PSTPIP1: variants seen among roughly 807,000 people sequenced by gnomAD.
PSTPIP1 encodes the protein proline-serine-threonine phosphatase-interacting protein 1.
In PSTPIP1, 66 loss-of-function variants were observed where a neutral mutation model predicts 69.6. The observed-to-expected ratio is 0.95, with a 90% CI of 0.78 to 1.16. The LOEUF (loss-of-function observed/expected upper bound fraction) is 1.16. Ranked by LOEUF, PSTPIP1 falls within the 50% of genes most tolerant of loss-of-function variation. PSTPIP1 has a pLI of 0.00. For synonymous variants in PSTPIP1, 266 were observed against 222.7 expected (o/e 1.19, Z -1.73); for missense variants, 603 against 557.4 (o/e 1.08, Z -0.82).
chr15:77,014,919 G>A (rs17465692), intron 1 of PSTPIP1, among the ~76,000 whole-genome samples: 54,592 of 152,202 alleles, frequency 0.36, 10,974 homozygotes, highest in Middle Eastern at 0.54. Context: ...CATGGACGGC[G>A]AGGGCTGGGT....
chr15:77,005,222 A>G (rs1020444465), intron 1 of PSTPIP1, among the ~76,000 whole-genome samples: 24 of 152,288 alleles, frequency 1.6e-4, no homozygotes, highest in Non-Finnish European at 2.5e-4. Flanking sequence ...TGTCTCTACT[A>G]AAAATACAAA....
At chr15:77,008,197 G>A (rs551251523) in intron 1 of PSTPIP1, 8 of 374,790 alleles carry the variant, frequency 2.1e-5, no homozygotes, top group Non-Finnish European at 3.3e-5. Flanking sequence ...GGGTGTGGGT[G>A]GGGTGTTTGG....
rs1195149821 is a variant in PSTPIP1 at position 77,027,816 on chromosome 15, C to T, written c.355-36C>T. The stretch of plus-strand genomic sequence containing the variant: ...TTGGCCTAGGGGAGCCTCCCGAGGC[C>T]GCGGCCCTCGGCTCAGAACCTCGTG... On this transcript the variant is annotated intron_variant, in intron 5 of 14. Transcript: ENST00000558012. The surrounding 1 kb of genome is among the most constrained non-coding windows in gnomAD (Gnocchi z 4.3). 6 of 1,550,714 alleles carry T rather than the reference C, an allele frequency of 3.9e-6. No individual in the cohort carries two copies. The East Asian group carries it at 1.2e-4, about 32-fold the overall frequency.
At chr15:77,014,382 G>A (rs550702537) in intron 1 of PSTPIP1, among the ~76,000 whole-genome samples, 2 of 152,280 alleles carry the variant, frequency 1.3e-5, no homozygotes, top group East Asian at 3.9e-4. Flanking sequence ...AGGCTGAGAA[G>A]GGCCAGGGTC....
rs775796638 is a variant in PSTPIP1 at position 76,995,267 on chromosome 15, C to T, written c.-307C>T. 7.6e-7 allele frequency: 1 copy of T among 1,307,322 alleles called. No individual in the cohort carries two copies. Among genetic ancestry groups the T allele is most frequent in the Non-Finnish European group, 9.8e-7 (1 of 1,019,022 alleles). The allele number at this position is 1,307,322 out of a possible 1,614,324, so 81.0% of individuals were successfully genotyped here. ...CCCTGCCCTGGGTCCCAGACTGTGT[C>T]CTCCATCACCGCAGGGTCGGTGAGG... On this transcript the variant is annotated 5_prime_UTR_variant, in exon 1 of 15. Transcript: ENST00000558012.
intron 1 of PSTPIP1, chr15:77,007,889 C>T (rs550315228): frequency 3.9e-5 from 18 of 455,960 alleles, no homozygotes; most frequent in East Asian, 7.0e-5. Flanking sequence ...CCACCGCGCC[C>T]GACTGGCAAT....
chr15:77,034,760 G>C (rs2076513788), intron 12 of PSTPIP1, among the ~76,000 whole-genome samples: 1 of 152,264 alleles, frequency 6.6e-6, no homozygotes, highest in African/African-American at 2.4e-5. Flanking sequence ...TGGAGGCAGT[G>C]TCAGCCTCTA....
Position 77,037,222 on chromosome 15 carries a change from G to C in PSTPIP1, c.*46G>C, listed in dbSNP as rs760731803. Reference sequence around the variant, plus strand: ...CGGACCTGCCCTGCCAGTGGAGCCAGCAGTGCCCCCAGCACTGTCCCCACC... The same window carrying C: ...CGGACCTGCCCTGCCAGTGGAGCCACCAGTGCCCCCAGCACTGTCCCCACC... On this transcript the variant is annotated 3_prime_UTR_variant, in exon 15 of 15. Coordinates refer to ENST00000558012, the MANE Select transcript of PSTPIP1 (RefSeq NM_003978.5). The C allele has an allele frequency of 2.8e-5, 44 of 1,557,218 alleles. No individual in the cohort carries two copies. Among genetic ancestry groups the C allele is most frequent in the Non-Finnish European group, 3.7e-5 (43 of 1,152,608 alleles).
chr15:77,030,876 A>G (rs1412212894), intron 9 of PSTPIP1, among the ~76,000 whole-genome samples: 1 of 152,220 alleles, frequency 6.6e-6, no homozygotes, highest in Non-Finnish European at 1.5e-5. Context: ...GCCGATGGAC[A>G]GGGCCTGGGG....
intron 1 of PSTPIP1, among the ~76,000 whole-genome samples, chr15:77,014,078 G>T (rs918853772): frequency 6.6e-6 from 1 of 152,150 alleles, no homozygotes; most frequent in Admixed American, 6.5e-5. Flanking sequence ...CCCTGAGTGT[G>T]GGGCTTTGCA....
At chr15:77,026,284 G>A (rs1257658753) in intron 5 of PSTPIP1, 2 of 443,526 alleles carry the variant, frequency 4.5e-6, no homozygotes, top group Admixed American at 2.4e-5. Flanking sequence ...GCTGGGCTTG[G>A]GCCTGTGAGG....
At chr15:77,035,670 T>TGTCCCCCAACAGCAAGTGTGG in intron 13 of PSTPIP1, 107 bp downstream of exon 13, 8 of 1,477,226 alleles carry the variant, frequency 5.4e-6, no homozygotes, top group African/African-American at 1.4e-5. Context: ...AGGAAGTGTG[T>TGTCCCCCAACAGCAAGTGTGG]GTCCCCCAAC....
chr15:77,007,680 C>T (rs1303925275), intron 1 of PSTPIP1, among the ~76,000 whole-genome samples: 4 of 151,880 alleles, frequency 2.6e-5, no homozygotes, highest in East Asian at 3.9e-4. Flanking sequence ...CTGCAAGCTC[C>T]GCCTCCTGGG....
Position 77,032,366 on chromosome 15 carries a change from G to C in PSTPIP1, c.810G>C (p.Gln270His), listed in dbSNP as rs776027050. 1 of 1,612,710 alleles carries C rather than the reference G, an allele frequency of 6.2e-7. No individual in the cohort carries two copies. The highest frequency in any genetic ancestry group is 1.1e-5 in the South Asian group (1 of 91,090). The change falls in exon 11 of 15, where the codon CAG (glutamine) becomes CAC (histidine). Residue 270 changes from glutamine (Q) to histidine (H), a missense_variant. Physicochemically the swap from Gln to His is conservative, Grantham distance 24 (BLOSUM62 0). Coordinates refer to ENST00000558012, the MANE Select transcript of PSTPIP1 (RefSeq NM_003978.5). ...ACGCCGACATCGACAGTTTCATCCAGGCCAAGAGCACGGGCACAGAGCCCC... is the reference window on the plus strand; with the variant it reads ...ACGCCGACATCGACAGTTTCATCCACGCCAAGAGCACGGGCACAGAGCCCC... The part of the protein sequence containing the change: ...SIDADIDSFI[Q>H]AKSTGTEPPA...
At chr15:77,028,031 G>T in intron 6 of PSTPIP1, 117 bp downstream of exon 6, 2 of 1,005,310 alleles carry the variant, frequency 2.0e-6, no homozygotes, top group Non-Finnish European at 3.0e-6. Flanking sequence ...CTCAGCCTTG[G>T]TCCTCGGACC....
chr15:77,036,009 C>T (rs2076562926), intron 14 of PSTPIP1, 74 bp downstream of exon 14: 1 of 1,472,686 alleles, frequency 6.8e-7, no homozygotes, highest in Non-Finnish European at 9.0e-7. Context: ...CATCCAGTGC[C>T]TTGCGTCCTC....
intron 14 of PSTPIP1, 60 bp from the exon 15 acceptor site, chr15:77,036,985 C>T (rs1365153222): frequency 2.6e-6 from 4 of 1,558,176 alleles, no homozygotes; most frequent in African/African-American, 3.0e-5. Flanking sequence ...CCAGGCCCCT[C>T]CCTGCAGGCC....
In PSTPIP1 at chr15:77,027,754, G is replaced by C. The variant is rs930366328; in HGVS notation, c.355-98G>C. 1.9e-5 allele frequency: 26 copies of C among 1,398,760 alleles called. No individual in the cohort carries two copies. Among genetic ancestry groups the C allele is most frequent in the Non-Finnish European group, 2.6e-5 (26 of 1,011,816 alleles). 86.6% of individuals were successfully genotyped at this position (1,398,760 alleles called of 1,614,324 possible). ...TGTCACCCTCTCTCCAGAGCCAGGA[G>C]AGGTGCTGCGCCTCATCCCAGGGAC... On this transcript the variant is annotated intron_variant, in intron 5 of 14. Transcript: ENST00000558012. The surrounding 1 kb of genome is among the most constrained non-coding windows in gnomAD (Gnocchi z 4.3).
chr15:77,018,096 C>T (rs1207839180), intron 1 of PSTPIP1, 52 bp from the exon 2 acceptor site: 20 of 1,525,286 alleles, frequency 1.3e-5, no homozygotes, highest in Non-Finnish European at 1.8e-5. Context: ...CAGGGCTGTG[C>T]TCAGTGTCGC....
Sources: gnomAD v4.1 joint callset for allele counts (sites outside exome capture counted in the v4.1 genomes callset) on GRCh38, gnomAD v4.1.1 for gene constraint, Gnocchi (gnomAD v3.1) non-coding constraint, MANE v1.5 for transcripts, NCBI Gene and HGNC (gene_info 2026-07-23, HGNC 2026-07-21) for gene names.